NXPE2: variants seen among roughly 807,000 people sequenced by gnomAD.
NXPE2 encodes NXPE family member 2.
NXPE2 carries 34 observed loss-of-function variants against 34.4 expected under a neutral mutation model. That is an observed-to-expected ratio of 0.99 (90% CI 0.75 to 1.31). NXPE2 has a LOEUF of 1.31. Ranked by LOEUF, NXPE2 falls within the 40% of genes most tolerant of loss-of-function variation. The pLI, the probability that NXPE2 is intolerant of heterozygous loss-of-function variation, is 0.00. For missense variants in NXPE2, 649 were observed against 672.5 expected (o/e 0.97, Z 0.39); for synonymous variants, 235 against 231.3 (o/e 1.02, Z -0.15).
the NXPE2 span, chr11:114,527,858 C>G: frequency 1.2e-6 from 2 of 1,607,144 alleles, no homozygotes; most frequent in East Asian, 4.5e-5. Flanking sequence ...TTAGTGACAT[C>G]AATGTGTTTA....
the NXPE2 span, among the ~76,000 whole-genome samples, chr11:114,645,770 C>T: frequency 1.3e-5 from 2 of 152,026 alleles, no homozygotes; most frequent in Admixed American, 1.3e-4. Flanking sequence ...TGAAAATATT[C>T]AATGTTACTA....
chr11:114,770,850 T>C, the NXPE2 span, among the ~76,000 whole-genome samples: 1 of 152,192 alleles, frequency 6.6e-6, no homozygotes, highest in East Asian at 1.9e-4. Flanking sequence ...AAGAGATTGA[T>C]CTTTGGCATC....
chr11:114,714,408 T>A, the NXPE2 span, among the ~76,000 whole-genome samples: 12 of 152,240 alleles, frequency 7.9e-5, no homozygotes, highest in African/African-American at 2.7e-4. Flanking sequence ...TTTGATGGCT[T>A]TAGTCCTCTA....
the NXPE2 span, chr11:114,582,996 A>T: frequency 2.5e-6 from 4 of 1,613,064 alleles, no homozygotes; most frequent in Admixed American, 5.0e-5. Flanking sequence ...ATGGAGGGAG[A>T]TGGATAAGTT....
chr11:114,614,354 C>CG, the NXPE2 span, among the ~76,000 whole-genome samples: 1 of 151,408 alleles, frequency 6.6e-6, no homozygotes, highest in East Asian at 2.0e-4. Context: ...AGTGTTGCCT[C>CG]TAGGGTAACC....
the NXPE2 span, among the ~76,000 whole-genome samples, chr11:114,769,935 A>C: frequency 6.6e-6 from 1 of 152,234 alleles, no homozygotes; most frequent in African/African-American, 2.4e-5. Flanking sequence ...CGTTCTGCAC[A>C]TGTACCCCAG....
chr11:114,579,715 A>G, the NXPE2 span, among the ~76,000 whole-genome samples: 1 of 152,240 alleles, frequency 6.6e-6, no homozygotes, highest in Admixed American at 6.5e-5. Context: ...TGGAATGGTT[A>G]TGTAACTTGT....
chr11:114,756,014 C>A, the NXPE2 span, among the ~76,000 whole-genome samples: 232 of 152,316 alleles, frequency 1.5e-3, no homozygotes, highest in Non-Finnish European at 9.8e-4. Context: ...GTCTTAGTGT[C>A]CATCACATTC....
At chr11:114,762,300 TGG>T in the NXPE2 span, among the ~76,000 whole-genome samples, 1 of 152,110 alleles carries the variant, frequency 6.6e-6, no homozygotes, top group Non-Finnish European at 1.5e-5. Flanking sequence ...TATGTGTGTG[TGG>T]GAGTGTGCAT....
Position 114,698,530 on chromosome 11 carries a change from A to G in NXPE2, c.618A>G (p.Ala206=). The change falls in exon 3 of 6, where the codon GCA becomes GCG. Residue 206 remains alanine, a synonymous_variant. Coordinates refer to ENST00000389586, the MANE Select transcript of NXPE2 (RefSeq NM_182495.6). The stretch of plus-strand genomic sequence containing the variant: ...AAGGGGTATCAGCTCTCTGGAGGGC[A>G]AGGAACCAAGGATGTGATAGGATCA... ...PSEGVSALWR[A]RNQGCDRIIF... is the part of the protein sequence containing the mutation. 5 of 1,614,128 alleles carry G rather than the reference A, an allele frequency of 3.1e-6. No homozygotes were observed. Among genetic ancestry groups the G allele is most frequent in the Non-Finnish European group, 4.2e-6 (5 of 1,179,978 alleles).
At chr11:114,542,154 T>A in the NXPE2 span, among the ~76,000 whole-genome samples, 1 of 152,248 alleles carries the variant, frequency 6.6e-6, no homozygotes, top group Admixed American at 6.5e-5. Context: ...TCTCACTTTA[T>A]CCTTATTTAT....
the NXPE2 span, among the ~76,000 whole-genome samples, chr11:114,577,026 TAC>T: frequency 2.2e-4 from 5 of 22,934 alleles, no homozygotes; most frequent in South Asian, 1.4e-3. Flanking sequence ...TATATATATA[TAC>T]ATATATATAT....
the NXPE2 span, among the ~76,000 whole-genome samples, chr11:114,724,890 GTTT>G: frequency 5.6e-4 from 51 of 90,922 alleles, no homozygotes; most frequent in African/African-American, 1.2e-3. Flanking sequence ...TTCAGAAATG[GTTT>G]TTTTTTTTTT....
the NXPE2 span, among the ~76,000 whole-genome samples, chr11:114,537,443 G>A: frequency 0.23 from 34,440 of 152,080 alleles, 5,491 homozygotes; most frequent in African/African-American, 0.44. Context: ...AAATGAGGCA[G>A]GAGAAGGGGA....
chr11:114,632,224 T>G, the NXPE2 span, among the ~76,000 whole-genome samples: 2 of 140,664 alleles, frequency 1.4e-5, no homozygotes, highest in African/African-American at 5.1e-5. Flanking sequence ...TATATGTATA[T>G]ATGTATAATA....
chr11:114,498,823 A>G, the NXPE2 span, among the ~76,000 whole-genome samples: 1 of 152,092 alleles, frequency 6.6e-6, no homozygotes, highest in African/African-American at 2.4e-5. Context: ...TTATATTAAT[A>G]GTGAGATTAG....
At chr11:114,736,967 C>T in the NXPE2 span, among the ~76,000 whole-genome samples, 1 of 152,280 alleles carries the variant, frequency 6.6e-6, no homozygotes, top group East Asian at 1.9e-4. Context: ...ATTCTCTCCT[C>T]TCTCTCTGGA....
the NXPE2 span, among the ~76,000 whole-genome samples, chr11:114,570,004 G>A: frequency 6.6e-6 from 1 of 152,254 alleles, no homozygotes; most frequent in South Asian, 2.1e-4. Context: ...AGACTGATAA[G>A]TTTAGGTTGC....
chr11:114,568,507 C>T, the NXPE2 span, among the ~76,000 whole-genome samples: 2 of 147,510 alleles, frequency 1.4e-5, no homozygotes, highest in Non-Finnish European at 3.0e-5. Flanking sequence ...TCTTCACTCT[C>T]TTCCTCTCTT....
Sources: gnomAD v4.1 joint callset for allele counts (sites outside exome capture counted in the v4.1 genomes callset) on GRCh38, gnomAD v4.1.1 for gene constraint, MANE v1.5 for transcripts, NCBI Gene and HGNC (gene_info 2026-07-23, HGNC 2026-07-21) for gene names.